The following PCA3 variants were observed in gnomAD, a reference collection of about 807,000 sequenced individuals.
The protein encoded by PCA3 is Differential Display code 3.
At chr9:76,777,042 C>T (rs954533048) in intron 2 of PCA3, among the ~76,000 whole-genome samples, 4 of 151,988 alleles carry the variant, frequency 2.6e-5, no homozygotes, top group Admixed American at 6.6e-5. Context: ...TGCACCAATG[C>T]CATCAGGGTA....
At chr9:76,769,096 G>A (rs656751) in intron 2 of PCA3, among the ~76,000 whole-genome samples, 48,382 of 151,968 alleles carry the variant, frequency 0.32, 7,953 homozygotes, top group South Asian at 0.41. Flanking sequence ...GACAGTTTGA[G>A]AGATATTCTT....
At chr9:76,785,752 T>TGA in intron 2 of PCA3, 1 of 152,198 alleles carries the variant, frequency 6.6e-6, no homozygotes, top group Non-Finnish European at 1.5e-5. Context: ...TGTGTGTGTG[T>TGA]GTGAGTGTAC....
intron 2 of PCA3, among the ~76,000 whole-genome samples, chr9:76,774,454 T>TTTATTTATTTATTTATTTA (rs1564272510): frequency 1.8e-5 from 1 of 54,530 alleles, no homozygotes; most frequent in Non-Finnish European, 3.1e-5. Context: ...TCAACCCTTT[T>TTTATTTATTTATTTATTTA]TTTTTTTTTT....
At chr9:76,771,281 A>G (rs2053073788) in intron 2 of PCA3, among the ~76,000 whole-genome samples, 1 of 152,174 alleles carries the variant, frequency 6.6e-6, no homozygotes, top group African/African-American at 2.4e-5. Flanking sequence ...ATATCCCTCA[A>G]TGGTCATCAA....
chr9:76,787,236 C>T (rs1169087987), intron 2 of PCA3: 23 of 151,548 alleles, frequency 1.5e-4, no homozygotes, highest in East Asian at 1.9e-4. Flanking sequence ...TTTTCTTACT[C>T]TTTTATCACC....
intron 2 of PCA3, among the ~76,000 whole-genome samples, chr9:76,768,613 GTGTGTGTGTGTA>G (rs1173621307): frequency 1.4e-5 from 2 of 144,890 alleles, no homozygotes; most frequent in African/African-American, 5.3e-5. Flanking sequence ...GTGTGTGTGT[GTGTGTGTGTGTA>G]TATCCCTGCT....
intron 2 of PCA3, among the ~76,000 whole-genome samples, chr9:76,765,150 T>C (rs374058492): frequency 6.6e-5 from 10 of 152,194 alleles, no homozygotes; most frequent in Admixed American, 6.5e-4. Context: ...AGAGTGGACA[T>C]GCAGTTAGAG....
intron 2 of PCA3, among the ~76,000 whole-genome samples, chr9:76,775,287 A>T (rs17784899): frequency 0.12 from 18,751 of 151,028 alleles, 1,508 homozygotes; most frequent in Admixed American, 0.23. Flanking sequence ...TTCTCAGAGG[A>T]CCATTTTGTA....
intron 2 of PCA3, among the ~76,000 whole-genome samples, chr9:76,774,224 C>G (rs2053436318): frequency 6.6e-6 from 1 of 152,054 alleles, no homozygotes; most frequent in Non-Finnish European, 1.5e-5. Flanking sequence ...CAGCCTCAAC[C>G]TCCTAGGCTC....
At chr9:76,779,150 G>A (rs568526387) in intron 2 of PCA3, among the ~76,000 whole-genome samples, 9 of 151,998 alleles carry the variant, frequency 5.9e-5, no homozygotes, top group Admixed American at 5.9e-4. Context: ...TTTTCTGGAT[G>A]GGCAATACTT....
chr9:76,786,665 C>T (rs1331031954), intron 2 of PCA3: 1 of 152,224 alleles, frequency 6.6e-6, no homozygotes, highest in East Asian at 1.9e-4. Context: ...TTCTTCCATC[C>T]CCACCACTAA....
At chr9:76,771,456 C>T (rs2053094872) in intron 2 of PCA3, among the ~76,000 whole-genome samples, 1 of 152,118 alleles carries the variant, frequency 6.6e-6, no homozygotes, top group Non-Finnish European at 1.5e-5. Flanking sequence ...GAAGCAGAGT[C>T]CCTGCTCAAG....
At chr9:76,774,710 C>T (rs186336817) in intron 2 of PCA3, among the ~76,000 whole-genome samples, 2 of 151,984 alleles carry the variant, frequency 1.3e-5, no homozygotes. Context: ...CCACCCACCT[C>T]GGCCTCCCAA....
At chr9:76,776,763 C>T (rs2053814877) in intron 2 of PCA3, among the ~76,000 whole-genome samples, 1 of 151,702 alleles carries the variant, frequency 6.6e-6, no homozygotes, top group Non-Finnish European at 1.5e-5. Flanking sequence ...GATCCACCCA[C>T]CTCAGCCTCC....
At chr9:76,783,455 G>A (rs1486075138) in intron 2 of PCA3, among the ~76,000 whole-genome samples, 7 of 152,110 alleles carry the variant, frequency 4.6e-5, no homozygotes, top group African/African-American at 1.4e-4. Context: ...TGACCTGTGG[G>A]ATCTCTAGAG....
chr9:76,783,131 CTTTT>C (rs1020515586), intron 2 of PCA3, among the ~76,000 whole-genome samples: 139 of 152,100 alleles, frequency 9.1e-4, no homozygotes, highest in African/African-American at 3.3e-3. Flanking sequence ...CTGACTATGC[CTTTT>C]TTTGTTTGTT....
intron 2 of PCA3, among the ~76,000 whole-genome samples, chr9:76,772,473 T>A (rs898277923): frequency 2.0e-5 from 3 of 152,158 alleles, no homozygotes; most frequent in Non-Finnish European, 4.4e-5. Flanking sequence ...CTAAGCAAAC[T>A]CTTAAAGGAA....
intron 2 of PCA3, among the ~76,000 whole-genome samples, chr9:76,765,062 G>A (rs1166654522): frequency 6.6e-6 from 1 of 152,158 alleles, no homozygotes; most frequent in East Asian, 1.9e-4. Context: ...TATCAAGCAG[G>A]CAAGTTAGAG....
intron 2 of PCA3, among the ~76,000 whole-genome samples, chr9:76,774,093 T>C (rs1479195715): frequency 5.9e-5 from 9 of 152,028 alleles, no homozygotes; most frequent in Non-Finnish European, 1.0e-4. Flanking sequence ...TTGGGCAGAG[T>C]AGAGGGAAAA....
Sources: gnomAD v4.1 joint callset for allele counts (sites outside exome capture counted in the v4.1 genomes callset) on GRCh38, gnomAD v4.1.1 for gene constraint, MANE v1.5 for transcripts, NCBI Gene and HGNC (gene_info 2026-07-23, HGNC 2026-07-21) for gene names.